ZBBX: variants seen among roughly 807,000 people sequenced by gnomAD.
ZBBX encodes zinc finger B-box domain-containing protein 1.
Under a neutral mutation model 108.5 loss-of-function variants are expected in ZBBX, and 101 were observed. That is an observed-to-expected ratio of 0.93 (90% CI 0.79 to 1.10). The LOEUF (loss-of-function observed/expected upper bound fraction) is 1.10, where lower values mean the gene tolerates loss of function less well. ZBBX is among the 50% of genes least tolerant of loss of function. The probability of loss-of-function intolerance (pLI) is 0.00; values close to 1 mark genes in which losing one functional copy is unlikely to be tolerated. For missense variants in ZBBX, 1,009 were observed against 941.4 expected (o/e 1.07, Z -0.94); for synonymous variants, 356 against 323.4 (o/e 1.10, Z -1.08).
chr3:167,238,718 T>G (rs934058048), downstream of ZBBX, among the ~76,000 whole-genome samples: 43 of 152,076 alleles, frequency 2.8e-4, no homozygotes, highest in Non-Finnish European at 2.1e-4. Context: ...AAGGGAAAAC[T>G]GTCCTAAAAT....
the ZBBX span, among the ~76,000 whole-genome samples, chr3:167,192,155 T>C: frequency 1.9e-4 from 29 of 152,120 alleles, no homozygotes; most frequent in South Asian, 6.0e-3. Flanking sequence ...ATATTTATAG[T>C]ACTAGAATGT....
chr3:167,315,234 G>A (rs1735239840), intron 15 of ZBBX, among the ~76,000 whole-genome samples: 4 of 152,126 alleles, frequency 2.6e-5, no homozygotes, highest in Admixed American at 2.0e-4. Context: ...TTGGAAATGA[G>A]AAAATTCTAC....
At chr3:167,293,135 G>T (rs942041221) in intron 18 of ZBBX, among the ~76,000 whole-genome samples, 9 of 152,154 alleles carry the variant, frequency 5.9e-5, no homozygotes, top group Admixed American at 3.9e-4. Context: ...AGAGGAGCTG[G>T]TACCATTCCT....
At chr3:167,401,788 T>C (rs1221541088) in intron 1 of ZBBX, among the ~76,000 whole-genome samples, 1 of 152,216 alleles carries the variant, frequency 6.6e-6, no homozygotes, top group Non-Finnish European at 1.5e-5. Flanking sequence ...TGTCTGGGAA[T>C]GCAGCCCCAT....
At chr3:167,206,369 T>C in the ZBBX span, among the ~76,000 whole-genome samples, 2 of 152,096 alleles carry the variant, frequency 1.3e-5, no homozygotes, top group African/African-American at 2.4e-5. Flanking sequence ...CATACTATAA[T>C]TTATTTATTC....
intron 8 of ZBBX, among the ~76,000 whole-genome samples, chr3:167,359,089 AAATT>A (rs1744094949): frequency 6.6e-6 from 1 of 152,200 alleles, no homozygotes; most frequent in Non-Finnish European, 1.5e-5. Flanking sequence ...ATGGATAAAC[AAATT>A]GTGTTATAAC....
chr3:167,241,753 GAAC>G (rs971017143), intron 21 of ZBBX, among the ~76,000 whole-genome samples: 17 of 152,072 alleles, frequency 1.1e-4, no homozygotes, highest in Admixed American at 2.6e-4. Flanking sequence ...TAAAAACCAA[GAAC>G]AACAACTCAA....
At chr3:167,371,068 G>C (rs1028298153) in intron 4 of ZBBX, among the ~76,000 whole-genome samples, 1 of 152,110 alleles carries the variant, frequency 6.6e-6, no homozygotes, top group Non-Finnish European at 1.5e-5. Context: ...CTTGGAACAC[G>C]GAAAAAGTGA....
chr3:167,325,380 A>AAC (rs1737182903), intron 11 of ZBBX, among the ~76,000 whole-genome samples: 1 of 152,098 alleles, frequency 6.6e-6, no homozygotes, highest in Non-Finnish European at 1.5e-5. Context: ...TTGTGCAGGG[A>AAC]ACTCCCATTT....
rs183335961 is a variant in ZBBX at position 167,378,916 on chromosome 3, C to T, written c.-132+722G>A. 2.5e-3 allele frequency among the ~76,000 whole-genome samples: 383 copies of T among 152,168 alleles called. 3 individuals are homozygous for T. Among genetic ancestry groups the T allele is most frequent in the African/African-American group, 8.6e-3 (359 of 41,528 alleles). On this transcript the variant is annotated intron_variant, in intron 2 of 21. Transcript: ENST00000675490. ...TAAACTCATTTGCTATTGTATGTTA[C>T]CTTGTGTTATTTTTTGCATCTTTGT...
At chr3:167,343,736 G>A (rs1173464444) in intron 9 of ZBBX, among the ~76,000 whole-genome samples, 1 of 151,906 alleles carries the variant, frequency 6.6e-6, no homozygotes, top group African/African-American at 2.4e-5. Context: ...TGGCTAGGAG[G>A]TAGAGAAATC....
At chr3:167,322,594 C>T (rs1736635146) in intron 11 of ZBBX, among the ~76,000 whole-genome samples, 1 of 152,000 alleles carries the variant, frequency 6.6e-6, no homozygotes, top group Non-Finnish European at 1.5e-5. Flanking sequence ...GTTATAGCCA[C>T]TGACAATAAT....
upstream of ZBBX, among the ~76,000 whole-genome samples, chr3:167,381,910 G>A (rs756582769): frequency 2.4e-4 from 37 of 152,164 alleles, no homozygotes; most frequent in Non-Finnish European, 2.2e-4. Context: ...CTGTTTTAGG[G>A]TAGATGGCCA....
In ZBBX at chr3:167,347,678, A is replaced by G. The variant is rs957228129; in HGVS notation, c.528+2742T>C. ...GTGAAATAATGTTATAAAAAAGAGA[A>G]TAACATCATTATAGGTTTAGCTCCC... On this transcript the variant is annotated intron_variant, in intron 9 of 21. Coordinates refer to ENST00000675490, the MANE Select transcript of ZBBX (RefSeq NM_001199201.2). 4.6e-5 allele frequency among the ~76,000 whole-genome samples: 7 copies of G among 152,192 alleles called. No homozygotes were observed. The East Asian group carries it at 1.3e-3, about 29-fold the overall frequency.
the ZBBX span, among the ~76,000 whole-genome samples, chr3:167,180,470 T>C: frequency 6.6e-6 from 1 of 152,222 alleles, no homozygotes; most frequent in Non-Finnish European, 1.5e-5. Flanking sequence ...GTAGTCTGAA[T>C]TTTGTCAGGA....
At chr3:167,293,697 G>A (rs1233302898) in intron 18 of ZBBX, among the ~76,000 whole-genome samples, 3 of 152,138 alleles carry the variant, frequency 2.0e-5, no homozygotes, top group Non-Finnish European at 2.9e-5. Flanking sequence ...TCTGGCCAGG[G>A]CAATCAGGCA....
chr3:167,307,083 T>C (rs942646998), intron 16 of ZBBX, among the ~76,000 whole-genome samples: 1 of 152,188 alleles, frequency 6.6e-6, no homozygotes, highest in Non-Finnish European at 1.5e-5. Flanking sequence ...TCAACATTCA[T>C]TCATGTTAAA....
chr3:167,348,358 A>AAGAAAGAAAGAAAGAAAGAAAGAAAG, intron 9 of ZBBX, among the ~76,000 whole-genome samples: 1 of 144,328 alleles, frequency 6.9e-6, no homozygotes. Flanking sequence ...GAAAGAAAGA[A>AAGAAAGAAAGAAAGAAAGAAAGAAAG]AGAAAGAAAG....
At chr3:167,273,756 A>G (rs890624920) in intron 20 of ZBBX, among the ~76,000 whole-genome samples, 15 of 152,160 alleles carry the variant, frequency 9.9e-5, no homozygotes, top group Non-Finnish European at 2.9e-5. Flanking sequence ...CCAGAAAAAG[A>G]AAAAACACAA....
Sources: gnomAD v4.1 joint callset for allele counts (sites outside exome capture counted in the v4.1 genomes callset) on GRCh38, gnomAD v4.1.1 for gene constraint, MANE v1.5 for transcripts, NCBI Gene and HGNC (gene_info 2026-07-23, HGNC 2026-07-21) for gene names.